The following FLNB variants were observed in gnomAD, a reference collection of about 807,000 sequenced individuals.
FLNB encodes the protein filamin B.
In FLNB, 111 loss-of-function variants were observed where a neutral mutation model predicts 250.6. That is an observed-to-expected ratio of 0.44 (90% CI 0.38 to 0.52). The LOEUF is 0.52. Among genes scored for constraint, FLNB ranks in the 20% least tolerant of loss-of-function variants. FLNB has a pLI of 0.00. For synonymous variants in FLNB, 1,302 were observed against 1,372.1 expected (o/e 0.95, Z 1.13); for missense variants, 2,869 against 3,447.8 (o/e 0.83, Z 4.20).
intron 14 of FLNB, 55 bp from the exon 15 acceptor site, chr3:58,109,521 T>A (rs2097264976): frequency 8.7e-6 from 14 of 1,613,714 alleles, no homozygotes; most frequent in Middle Eastern, 1.6e-4. Context: ...TTTAATAGTA[T>A]TTTACTGGGT....
chr3:58,168,382 T>G, intron 43 of FLNB, 58 bp from the exon 44 acceptor site: 1 of 1,346,102 alleles, frequency 7.4e-7, no homozygotes, highest in Non-Finnish European at 1.1e-6. Context: ...ACGGCCTCAG[T>G]GCTCCCAGGA....
chr3:58,008,444 C>G lies in FLNB; in HGVS notation c.-121C>G. The G allele has an allele frequency of 8.2e-7, 1 of 1,213,718 alleles. No individual in the cohort carries two copies. The highest frequency in any genetic ancestry group is 1.2e-6 in the Non-Finnish European group (1 of 851,118). The allele number at this position is 1,213,718 out of a possible 1,614,324, so 75.2% of individuals were successfully genotyped here. The stretch of plus-strand genomic sequence containing the variant: ...CGCAGAGCAGCACCGGCCGTGGCTC[C>G]GGTAGCAGCAAGTTCGAACCCCGCT... On this transcript the variant is annotated 5_prime_UTR_variant, in exon 1 of 46. Coordinates refer to ENST00000295956, the MANE Select transcript of FLNB (RefSeq NM_001457.4).
In FLNB at chr3:58,047,537, A is replaced by G. The variant is rs923327045; in HGVS notation, c.293-29509A>G. Among the ~76,000 whole-genome samples, 3 of 151,254 alleles carry G rather than the reference A, an allele frequency of 2.0e-5. No homozygotes were observed. The East Asian group carries it at 5.8e-4, about 29-fold the overall frequency. ...ATGTTTTGCCATATTTGCTTGCTCT[A>G]TCACTTGCTCTAAAGATGCATATCA... On this transcript the variant is annotated intron_variant, in intron 1 of 45. Coordinates refer to ENST00000295956, the MANE Select transcript of FLNB (RefSeq NM_001457.4).
At position 58,146,066 on chromosome 3, in the gene FLNB, G is replaced by T; in HGVS notation, c.5554+17G>T. ...CAGGAGAAGGTACTGTGTGGTTTAC[G>T]TGTTTATACGCCTCCAGCTGTCCAT... On this transcript the variant is annotated intron_variant, in intron 33 of 45. Coordinates refer to ENST00000295956, the MANE Select transcript of FLNB (RefSeq NM_001457.4). The T allele has an allele frequency of 2.5e-6, 4 of 1,614,084 alleles. No individual in the cohort carries two copies. Among genetic ancestry groups the T allele is most frequent in the Non-Finnish European group, 3.4e-6 (4 of 1,179,930 alleles).
At position 58,127,085 on chromosome 3, in the gene FLNB, G is replaced by A. The variant is rs76398364; in HGVS notation, c.4222+323G>A. 3.8e-3 allele frequency among the ~76,000 whole-genome samples: 576 copies of A among 152,312 alleles called. 5 individuals are homozygous for A. The highest frequency in any genetic ancestry group is 0.013 in the African/African-American group (532 of 41,570). On this transcript the variant is annotated intron_variant, in intron 24 of 45. Transcript: ENST00000295956. The stretch of plus-strand genomic sequence containing the variant: ...CACCTGTAATCCCCAAACTTTGGGA[G>A]GCCAAGGCATGCAGATTGCTTCAGG...
intron 1 of FLNB, among the ~76,000 whole-genome samples, chr3:58,049,849 T>G (rs1254221610): frequency 6.6e-6 from 1 of 152,096 alleles, no homozygotes; most frequent in Non-Finnish European, 1.5e-5. Flanking sequence ...ATTAGACTGC[T>G]CAGGGTAGTG....
chr3:58,172,021 C>T lies in FLNB; in HGVS notation c.*1259C>T, dbSNP rs2097383138. On this transcript the variant is annotated 3_prime_UTR_variant, in exon 46 of 46. Transcript: ENST00000295956. ...GTGTAGTGTGGTCTGGGCAGGCAGACCTTTAGGTTTTGCTGCTTAGTCCTG... is the reference window on the plus strand; with the variant it reads ...GTGTAGTGTGGTCTGGGCAGGCAGATCTTTAGGTTTTGCTGCTTAGTCCTG... 6.6e-6 allele frequency: 1 copy of T among 152,372 alleles called. No homozygotes were observed. Among genetic ancestry groups the T allele is most frequent in the African/African-American group, 2.4e-5 (1 of 41,394 alleles). 9.4% of individuals were successfully genotyped at this position (152,372 alleles called of 1,614,324 possible). A position where few individuals can be genotyped will look rare whatever the true frequency, so the allele number is the denominator to read the frequency against.
chr3:58,070,941 C>T (rs1311110121), intron 1 of FLNB, among the ~76,000 whole-genome samples: 1 of 150,218 alleles, frequency 6.7e-6, no homozygotes, highest in Non-Finnish European at 1.5e-5. Context: ...CTCTTGCTCT[C>T]TCTCTCTCTT....
At chr3:58,136,221 C>G in intron 28 of FLNB, 53 bp downstream of exon 28, 2 of 1,572,304 alleles carry the variant, frequency 1.3e-6, no homozygotes, top group Non-Finnish European at 1.7e-6. Flanking sequence ...ATCAGAAAGC[C>G]GGGCCGTAGC....
intron 39 of FLNB, 77 bp from the exon 40 acceptor site, chr3:58,154,714 C>T (rs766650123): frequency 1.1e-5 from 17 of 1,488,094 alleles, no homozygotes; most frequent in Non-Finnish European, 1.4e-5. Flanking sequence ...CCTAGCACTG[C>T]AGGTTTGAAC....
At chr3:58,013,932 A>G (rs2097102344) in intron 1 of FLNB, among the ~76,000 whole-genome samples, 3 of 152,262 alleles carry the variant, frequency 2.0e-5, no homozygotes, top group Non-Finnish European at 4.4e-5. Flanking sequence ...AGTAGTTAAG[A>G]GCAAGGATTC....
chr3:58,024,729 A>T (rs13073700), intron 1 of FLNB, among the ~76,000 whole-genome samples: 55,137 of 85,600 alleles, frequency 0.64, 16,220 homozygotes, highest in South Asian at 0.8. Context: ...TTTTTTTTTT[A>T]ACCTTGAGAC....
chr3:58,153,793 T>G (rs780222102), intron 39 of FLNB, 152 bp downstream of exon 39: 15 of 950,578 alleles, frequency 1.6e-5, no homozygotes, highest in Non-Finnish European at 2.4e-5. Context: ...CATGACTAAG[T>G]CTGGCACAGT....
In FLNB at chr3:58,008,876, C is replaced by A. The variant is rs1309772853; in HGVS notation, c.292+20C>A. 6.2e-7 allele frequency: 1 copy of A among 1,613,090 alleles called. No individual in the cohort carries two copies. The highest frequency in any genetic ancestry group is 8.5e-7 in the Non-Finnish European group (1 of 1,179,848). The stretch of plus-strand genomic sequence containing the variant: ...CCATCGGTGAGTTCTCTGGCCGGGC[C>A]CAGGCGCCCACTGTGGTGCCGACCC... On this transcript the variant is annotated intron_variant, in intron 1 of 45. Coordinates refer to ENST00000295956, the MANE Select transcript of FLNB (RefSeq NM_001457.4).
chr3:58,124,185 A>G, intron 21 of FLNB, 147 bp from the exon 22 acceptor site: 1 of 816,152 alleles, frequency 1.2e-6, no homozygotes, highest in Admixed American at 2.0e-5. Flanking sequence ...GGGGGTTAAT[A>G]TTCTTGATTT....
At chr3:58,147,049 T>G in intron 34 of FLNB, 56 bp downstream of exon 34, 1 of 1,547,994 alleles carries the variant, frequency 6.5e-7, no homozygotes. Flanking sequence ...TGCCTCTGAC[T>G]GCCACCCTCC....
chr3:58,068,372 C>T (rs773333378), intron 1 of FLNB, among the ~76,000 whole-genome samples: 18 of 152,142 alleles, frequency 1.2e-4, no homozygotes, highest in African/African-American at 2.7e-4. Context: ...ACCCAGGGGC[C>T]TCTGGGGTAC....
In FLNB at chr3:58,141,652, T is replaced by C. The variant is rs546938970; in HGVS notation, c.5110-206T>C. Among the ~76,000 whole-genome samples, 31 of 152,290 alleles carry C rather than the reference T, an allele frequency of 2.0e-4. No homozygotes were observed. In the South Asian group the frequency reaches 5.6e-3, roughly 27 times the overall value. ...GGTCTGCGTGCTACAAGTGGGGTTGTGGGCTCACAGGGCATGCGCATCTGA... is the reference window on the plus strand; with the variant it reads ...GGTCTGCGTGCTACAAGTGGGGTTGCGGGCTCACAGGGCATGCGCATCTGA... On this transcript the variant is annotated intron_variant, in intron 29 of 45. Transcript: ENST00000295956.
intron 9 of FLNB, among the ~76,000 whole-genome samples, chr3:58,102,972 A>G (rs1011897251): frequency 6.6e-6 from 1 of 152,182 alleles, no homozygotes; most frequent in African/African-American, 2.4e-5. Flanking sequence ...TCGTTGGAAC[A>G]GAGAAGCATT....
Sources: gnomAD v4.1 joint callset for allele counts (sites outside exome capture counted in the v4.1 genomes callset) on GRCh38, gnomAD v4.1.1 for gene constraint, MANE v1.5 for transcripts, NCBI Gene and HGNC (gene_info 2026-07-23, HGNC 2026-07-21) for gene names.